SCIN: variants seen among roughly 807,000 people sequenced by gnomAD.
The protein encoded by SCIN is scinderin, also known as adseverin.
SCIN carries 91 observed loss-of-function variants against 91.8 expected under a neutral mutation model. That is an observed-to-expected ratio of 0.99 (90% CI 0.84 to 1.18). The LOEUF (loss-of-function observed/expected upper bound fraction) is 1.18. SCIN is among the 50% of genes most tolerant of loss of function. SCIN has a pLI of 0.00. For missense variants in SCIN, 1,087 were observed against 863.9 expected (o/e 1.26, Z -3.24); for synonymous variants, 367 against 312.6 (o/e 1.17, Z -1.84).
At chr7:12,633,457 T>G (rs1783685471) in intron 9 of SCIN, among the ~76,000 whole-genome samples, 1 of 152,214 alleles carries the variant, frequency 6.6e-6, no homozygotes, top group Non-Finnish European at 1.5e-5. Flanking sequence ...ATTTCTTGAT[T>G]GGAGTGGAAT....
At chr7:12,598,502 A>G (rs541278431) in intron 3 of SCIN, among the ~76,000 whole-genome samples, 1 of 152,308 alleles carries the variant, frequency 6.6e-6, no homozygotes, top group South Asian at 2.1e-4. Context: ...TGGAATATAC[A>G]TTTTCAAATT....
chr7:12,647,956 G>A (rs1367611069), intron 13 of SCIN, among the ~76,000 whole-genome samples: 2 of 152,138 alleles, frequency 1.3e-5, no homozygotes, highest in African/African-American at 2.4e-5. Flanking sequence ...CAACGCCCCA[G>A]TCAGCTCCAT....
intron 4 of SCIN, among the ~76,000 whole-genome samples, chr7:12,607,951 G>A (rs754038287): frequency 1.1e-4 from 17 of 152,062 alleles, no homozygotes; most frequent in Admixed American, 5.2e-4. Context: ...ACTGAAATAC[G>A]GCCTTTCCTC....
chr7:12,578,871 G>T, intron 2 of SCIN, among the ~76,000 whole-genome samples: 1 of 141,696 alleles, frequency 7.1e-6, no homozygotes, highest in South Asian at 2.2e-4. Context: ...ATAGTTAAAT[G>T]GTTCTATCCC....
At chr7:12,629,520 T>G (rs567034748) in intron 9 of SCIN, among the ~76,000 whole-genome samples, 1 of 152,242 alleles carries the variant, frequency 6.6e-6, no homozygotes, top group African/African-American at 2.4e-5. Flanking sequence ...TGTATGCAGG[T>G]TAACACTGCA....
chr7:12,622,925 A>G, intron 5 of SCIN, 32 bp downstream of exon 5: 2 of 1,516,958 alleles, frequency 1.3e-6, no homozygotes, highest in Non-Finnish European at 1.8e-6. Context: ...TTATTGTTTC[A>G]ACAGTACTGG....
intron 7 of SCIN, 59 bp from the exon 8 acceptor site, chr7:12,626,525 C>A (rs1783524792): frequency 1.6e-6 from 2 of 1,276,860 alleles, no homozygotes. Context: ...CTGCCAGATT[C>A]ATATTTTCCC....
chr7:12,570,768 A>G lies in SCIN; in HGVS notation c.-19A>G, dbSNP rs1231743103. The G allele has an allele frequency of 1.7e-5, 26 of 1,547,790 alleles. No homozygotes were observed. In the African/African-American group the frequency reaches 1.8e-4, roughly 11 times the overall value. On this transcript the variant is annotated 5_prime_UTR_variant, in exon 1 of 16. Transcript: ENST00000297029. ...ATCAGCGATATCACGCGTCCCCCGG[A>G]GCATCGCGTGCAGGAGCCATGGCGC...
chr7:12,595,975 G>A (rs756928242), intron 3 of SCIN, among the ~76,000 whole-genome samples: 3 of 152,146 alleles, frequency 2.0e-5, no homozygotes, highest in Admixed American at 6.5e-5. Flanking sequence ...CGGGCATAAG[G>A]CAGACAAAGA....
At chr7:12,628,305 C>A (rs1453953229) in intron 8 of SCIN, among the ~76,000 whole-genome samples, 2 of 152,088 alleles carry the variant, frequency 1.3e-5, no homozygotes, top group East Asian at 3.9e-4. Context: ...TCTGTTCAGG[C>A]TACTATAACA....
chr7:12,571,152 G>A (rs545702476), intron 1 of SCIN, 167 bp downstream of exon 1: 6 of 728,968 alleles, frequency 8.2e-6, no homozygotes, highest in Non-Finnish European at 1.3e-5. Context: ...CCCTACCGAA[G>A]TCAACTCGCC....
intron 4 of SCIN, among the ~76,000 whole-genome samples, chr7:12,617,001 A>T (rs1259109413): frequency 1.3e-5 from 2 of 152,172 alleles, no homozygotes; most frequent in East Asian, 3.8e-4. Context: ...AAGGTACATT[A>T]CCAAGACATA....
rs963036370 is a variant in SCIN at position 12,653,302 on chromosome 7, A to C, written c.*587A>C. The C allele has an allele frequency of 2.0e-5, 3 of 152,252 alleles. No homozygotes were observed. Among genetic ancestry groups the C allele is most frequent in the Admixed American group, 2.0e-4 (3 of 15,298 alleles). The allele number at this position is 152,252 out of a possible 1,614,324, so 9.4% of individuals were successfully genotyped here. A position where few individuals can be genotyped will look rare whatever the true frequency, so the allele number is the denominator to read the frequency against. ...TATGACCTTTCAAAAGTAAAATACT[A>C]TGCATAATCTAGAAAGATTTGTCAG... On this transcript the variant is annotated 3_prime_UTR_variant, in exon 16 of 16. Coordinates refer to ENST00000297029, the MANE Select transcript of SCIN (RefSeq NM_001112706.3). This position sits in a 1 kb window ranked among gnomAD's most constrained non-coding sequence, Gnocchi z 4.1.
intron 9 of SCIN, among the ~76,000 whole-genome samples, chr7:12,630,818 T>G (rs1783626797): frequency 6.6e-6 from 1 of 152,242 alleles, no homozygotes; most frequent in African/African-American, 2.4e-5. Flanking sequence ...TCTATTGGTC[T>G]CTTTAAGGCC....
chr7:12,570,750 A>C lies in SCIN; in HGVS notation c.-37A>C. The C allele has an allele frequency of 1.3e-6, 2 of 1,542,600 alleles. No individual in the cohort carries two copies. The highest frequency in any genetic ancestry group is 1.8e-6 in the Non-Finnish European group (2 of 1,142,452). ...CTCTCGGTTTAGTCCAAGATCAGCG[A>C]TATCACGCGTCCCCCGGAGCATCGC... On this transcript the variant is annotated 5_prime_UTR_variant, in exon 1 of 16. Transcript: ENST00000297029.
In SCIN at chr7:12,575,925, C is replaced by T. The variant is rs143164110; in HGVS notation, c.200-2139C>T. Among the ~76,000 whole-genome samples, 31 of 152,268 alleles carry T rather than the reference C, an allele frequency of 2.0e-4. No homozygotes were observed. The East Asian group carries it at 4.4e-3, about 22-fold the overall frequency. Reference sequence around the variant, plus strand: ...AAGACCGTCAACCTCATTCAGGCATCCTGTTTTATTCATACAGATATTCCC... The same window carrying T: ...AAGACCGTCAACCTCATTCAGGCATTCTGTTTTATTCATACAGATATTCCC... On this transcript the variant is annotated intron_variant, in intron 1 of 15. Coordinates refer to ENST00000297029, the MANE Select transcript of SCIN (RefSeq NM_001112706.3).
At chr7:12,648,232 C>G (rs1383955269) in intron 13 of SCIN, among the ~76,000 whole-genome samples, 2 of 151,210 alleles carry the variant, frequency 1.3e-5, no homozygotes, top group Non-Finnish European at 2.9e-5. Context: ...GTTATAATGT[C>G]ATCTTATTGA....
chr7:12,644,362 C>G lies in SCIN; in HGVS notation c.1759+47C>G, dbSNP rs199783300. 3 of 1,520,672 alleles carry G rather than the reference C, an allele frequency of 2.0e-6. No homozygotes were observed. In the African/African-American group the frequency reaches 4.2e-5, roughly 21 times the overall value. The allele number at this position is 1,520,672 out of a possible 1,614,324, so 94.2% of individuals were successfully genotyped here. ...GCACTAACTAGAATTTATACTGATA[C>G]GATTGCTAATCATCTTTTTTTCACC... On this transcript the variant is annotated intron_variant, in intron 12 of 15. Coordinates refer to ENST00000297029, the MANE Select transcript of SCIN (RefSeq NM_001112706.3).
At chr7:12,633,282 A>G (rs1437564405) in intron 9 of SCIN, among the ~76,000 whole-genome samples, 4 of 152,246 alleles carry the variant, frequency 2.6e-5, no homozygotes, top group African/African-American at 9.6e-5. Context: ...AATTGAACAG[A>G]TGACAATGAT....
Sources: allele counts gnomAD v4.1 joint callset (sites outside exome capture counted in the v4.1 genomes callset), GRCh38; gene constraint gnomAD v4.1.1; non-coding constraint Gnocchi (gnomAD v3.1); transcripts MANE v1.5; gene names NCBI Gene and HGNC (gene_info 2026-07-23, HGNC 2026-07-21).